SORCS1: variants seen among roughly 807,000 people sequenced by gnomAD.
SORCS1 encodes sortilin related VPS10 domain containing receptor 1.
A neutral mutation model predicts 146.1 loss-of-function variants in SORCS1; 60 were observed. The observed-to-expected ratio is 0.41, with a 90% CI of 0.33 to 0.51. The LOEUF (loss-of-function observed/expected upper bound fraction) is 0.51, where lower values mean the gene tolerates loss of function less well. SORCS1 is among the 20% of genes least tolerant of loss of function. The pLI, the probability that SORCS1 is intolerant of heterozygous loss-of-function variation, is 0.21. For synonymous variants in SORCS1, 637 were observed against 584.0 expected (o/e 1.09, Z -1.31); for missense variants, 1,352 against 1,487.6 (o/e 0.91, Z 1.50).
At chr10:107,178,798 T>C in the SORCS1 span, among the ~76,000 whole-genome samples, 1 of 152,078 alleles carries the variant, frequency 6.6e-6, no homozygotes, top group Non-Finnish European at 1.5e-5. Flanking sequence ...TTGATTCTTT[T>C]TTTATGGCTG....
chr10:106,809,904 C>T (rs776921838), intron 3 of SORCS1, among the ~76,000 whole-genome samples: 9 of 152,120 alleles, frequency 5.9e-5, no homozygotes, highest in Non-Finnish European at 1.2e-4. Flanking sequence ...TGATTAATAG[C>T]ATCTTTTTGT....
intron 2 of SORCS1, among the ~76,000 whole-genome samples, chr10:106,840,472 G>C (rs1948976237): frequency 6.8e-6 from 1 of 148,132 alleles, no homozygotes; most frequent in Non-Finnish European, 1.5e-5. Context: ...GATAAGCAAA[G>C]AATGTGGTTT....
chr10:106,841,117 G>A (rs919160821), intron 2 of SORCS1, among the ~76,000 whole-genome samples: 1 of 150,734 alleles, frequency 6.6e-6, no homozygotes, highest in African/African-American at 2.4e-5. Flanking sequence ...GCCTCCAAAA[G>A]TGTTGGGATT....
intron 1 of SORCS1, among the ~76,000 whole-genome samples, chr10:107,131,020 A>G (rs1966862626): frequency 6.6e-6 from 1 of 152,284 alleles, no homozygotes; most frequent in South Asian, 2.1e-4. Context: ...CCTATTCTGT[A>G]TAACTCATAG....
intron 5 of SORCS1, among the ~76,000 whole-genome samples, chr10:106,743,482 T>C (rs1175895255): frequency 3.3e-5 from 5 of 152,102 alleles, no homozygotes; most frequent in Non-Finnish European, 7.4e-5. Context: ...TGCAGAGCAA[T>C]GGTGCGATCT....
intron 3 of SORCS1, among the ~76,000 whole-genome samples, chr10:106,784,117 C>T (rs376814742): frequency 1.1e-4 from 17 of 152,194 alleles, no homozygotes; most frequent in East Asian, 3.9e-4. Flanking sequence ...AACCTGGGGC[C>T]GGGTGCAGTG....
At chr10:106,704,018 T>C (rs569927877) in intron 8 of SORCS1, among the ~76,000 whole-genome samples, 2 of 152,300 alleles carry the variant, frequency 1.3e-5, no homozygotes, top group African/African-American at 4.8e-5. Flanking sequence ...AAATTTGGGT[T>C]CAAAGTAAAA....
intron 2 of SORCS1, among the ~76,000 whole-genome samples, chr10:106,848,003 A>G (rs1307473534): frequency 1.2e-3 from 176 of 145,054 alleles, no homozygotes; most frequent in South Asian, 2.1e-3. Context: ...CTTTACTTCC[A>G]ACTATGTGGT....
intron 2 of SORCS1, among the ~76,000 whole-genome samples, chr10:106,888,741 A>ATTTG (rs1348724670): frequency 1.4e-4 from 22 of 152,210 alleles, no homozygotes; most frequent in Non-Finnish European, 3.1e-4. Flanking sequence ...AATATAACCA[A>ATTTG]CAGTGCAAAG....
At chr10:107,118,739 T>C (rs1966207402) in intron 1 of SORCS1, among the ~76,000 whole-genome samples, 1 of 152,238 alleles carries the variant, frequency 6.6e-6, no homozygotes, top group Non-Finnish European at 1.5e-5. Flanking sequence ...ACTACATTTT[T>C]TTCTTGTCAG....
At chr10:107,088,966 T>G in intron 1 of SORCS1, among the ~76,000 whole-genome samples, 1 of 134,640 alleles carries the variant, frequency 7.4e-6, no homozygotes, top group Admixed American at 7.0e-5. Flanking sequence ...TTTCTATTAT[T>G]AATTCTATTA....
In SORCS1 at chr10:106,960,036, ACC is replaced by A. The variant is rs1419162718; in HGVS notation, c.559-3458_559-3457del. Among the ~76,000 whole-genome samples, 1 of 152,134 alleles carries A rather than the reference ACC, an allele frequency of 6.6e-6. No individual in the cohort carries two copies. The highest frequency in any genetic ancestry group is 1.5e-5 in the Non-Finnish European group (1 of 68,028). On this transcript the variant is annotated intron_variant, in intron 1 of 25. Transcript: ENST00000263054. The surrounding 1 kb of genome is among the most constrained non-coding windows in gnomAD (Gnocchi z 4.4). ...CACACAAAGTGGCATATCCATCAGC[ACC>A]CCATTTATTTCTGTATCTTGTTTTC...
chr10:107,140,728 A>G (rs1160612514), intron 1 of SORCS1, among the ~76,000 whole-genome samples: 3 of 152,230 alleles, frequency 2.0e-5, no homozygotes, highest in African/African-American at 7.2e-5. Context: ...TCAAGACATC[A>G]TTCGATATCC....
chr10:106,831,025 T>G (rs900397358), intron 2 of SORCS1, among the ~76,000 whole-genome samples: 5 of 152,056 alleles, frequency 3.3e-5, no homozygotes, highest in African/African-American at 9.7e-5. Flanking sequence ...AAACCCTGTC[T>G]CTACTAAAAA....
intron 1 of SORCS1, among the ~76,000 whole-genome samples, chr10:107,073,588 A>G (rs1962625639): frequency 6.6e-6 from 1 of 152,206 alleles, no homozygotes; most frequent in African/African-American, 2.4e-5. Flanking sequence ...ACAACAATCT[A>G]TAAGGCAGAT....
At chr10:106,853,821 T>C (rs1341964107) in intron 2 of SORCS1, among the ~76,000 whole-genome samples, 1 of 152,082 alleles carries the variant, frequency 6.6e-6, no homozygotes, top group Non-Finnish European at 1.5e-5. Flanking sequence ...AAACAGACAT[T>C]GTATAATTTC....
At chr10:106,849,469 T>C (rs1949452548) in intron 2 of SORCS1, among the ~76,000 whole-genome samples, 1 of 144,526 alleles carries the variant, frequency 6.9e-6, no homozygotes, top group South Asian at 2.3e-4. Context: ...GTATTGGTTA[T>C]TCTAGTTATA....
intron 2 of SORCS1, among the ~76,000 whole-genome samples, chr10:106,922,900 T>C (rs1952784764): frequency 6.6e-6 from 1 of 151,454 alleles, no homozygotes; most frequent in Non-Finnish European, 1.5e-5. Context: ...TCTTTTTTTT[T>C]TTTTTTTGAC....
At chr10:106,674,990 C>G in intron 14 of SORCS1, 59 bp downstream of exon 14, 1 of 1,388,370 alleles carries the variant, frequency 7.2e-7, no homozygotes, top group Non-Finnish European at 1.0e-6. Flanking sequence ...AGCTATAAAA[C>G]ATTTTTGTGG....
Sources: allele counts gnomAD v4.1 joint callset (sites outside exome capture counted in the v4.1 genomes callset), GRCh38; gene constraint gnomAD v4.1.1; non-coding constraint Gnocchi (gnomAD v3.1); transcripts MANE v1.5; gene names NCBI Gene and HGNC (gene_info 2026-07-23, HGNC 2026-07-21).